AMOTL1: variants seen among roughly 807,000 people sequenced by gnomAD.
AMOTL1 encodes angiomotin like 1.
A neutral mutation model predicts 102.9 loss-of-function variants in AMOTL1; 45 were observed. The ratio of observed to expected loss-of-function variants is 0.44; its 90% CI spans 0.34 to 0.56. The LOEUF (loss-of-function observed/expected upper bound fraction) is 0.56, where lower values mean the gene tolerates loss of function less well. Among genes scored for constraint, AMOTL1 ranks in the 20% least tolerant of loss-of-function variants. AMOTL1 has a pLI of 0.01. For missense variants in AMOTL1, 1,114 were observed against 1,225.6 expected (o/e 0.91, Z 1.36); for synonymous variants, 481 against 484.7 (o/e 0.99, Z 0.10).
intron 3 of AMOTL1, among the ~76,000 whole-genome samples, chr11:94,818,708 G>A (rs1311879469): frequency 3.3e-5 from 5 of 152,110 alleles, no homozygotes; most frequent in Non-Finnish European, 4.4e-5. Flanking sequence ...AGTTTGGACT[G>A]AATTCTAAAG....
chr11:94,779,855 C>CT (rs1174692006), intron 1 of AMOTL1, among the ~76,000 whole-genome samples: 1 of 30,790 alleles, frequency 3.2e-5, no homozygotes, highest in African/African-American at 5.9e-5. Flanking sequence ...TGAGGTTGGC[C>CT]TTTTTAAAAA....
At chr11:94,729,700 C>T (rs1471990205) in intron 2 of AMOTL1, among the ~76,000 whole-genome samples, 3 of 152,118 alleles carry the variant, frequency 2.0e-5, no homozygotes, top group Admixed American at 6.5e-5. Context: ...TGGTAGGAGC[C>T]ATTCTATAGA....
chr11:94,847,756 G>T (rs1229220048), intron 6 of AMOTL1, among the ~76,000 whole-genome samples: 2 of 146,166 alleles, frequency 1.4e-5, no homozygotes, highest in Non-Finnish European at 3.0e-5. Context: ...TATATGCGGT[G>T]GGGGGGTGTT....
rs114082346 is a variant in AMOTL1, at chr11:94,799,936, C to T, written c.746C>T (p.Ala249Val). 2.3e-4 allele frequency: 376 copies of T among 1,613,054 alleles called. No homozygotes were observed. In the African/African-American group the frequency reaches 3.7e-3, roughly 16 times the overall value. The change falls in exon 3 of 13, where the codon GCG becomes GTG. Residue 249 changes from alanine to valine, a missense_variant. By Grantham distance (64) the Ala-to-Val change is moderately conservative. Transcript: ENST00000433060. The surrounding 1 kb of genome is among the most constrained non-coding windows in gnomAD (Gnocchi z 4.5). ...ANSGQAHKDE[A>V]LKELKQGHVR... ...AGTGGACAGGCGCATAAGGACGAGG[C>T]GCTGAAGGAACTGAAGCAGGGCCAC...
intron 3 of AMOTL1, among the ~76,000 whole-genome samples, chr11:94,809,388 A>G (rs894328784): frequency 6.6e-6 from 1 of 152,190 alleles, no homozygotes; most frequent in Non-Finnish European, 1.5e-5. Context: ...ACAGTGTAGG[A>G]CTAGAAGGAA....
chr11:94,717,481 C>A (rs1023031633), intron 1 of AMOTL1, among the ~76,000 whole-genome samples: 1 of 151,478 alleles, frequency 6.6e-6, no homozygotes, highest in African/African-American at 2.4e-5. Context: ...TATGGTGTTT[C>A]AACCCAGTGG....
intron 1 of AMOTL1, among the ~76,000 whole-genome samples, chr11:94,784,610 C>T (rs562880922): frequency 6.6e-6 from 1 of 152,180 alleles, no homozygotes; most frequent in African/African-American, 2.4e-5. Flanking sequence ...AGAGTTTAAT[C>T]TCCTTTACTT....
intron 6 of AMOTL1, among the ~76,000 whole-genome samples, chr11:94,832,482 T>G (rs934485675): frequency 3.3e-4 from 50 of 152,242 alleles, no homozygotes; most frequent in African/African-American, 1.1e-3. Context: ...CCAGATTGAT[T>G]AATTATTGCA....
In AMOTL1 at chr11:94,749,864, A is replaced by G. The variant is rs1248337638; in HGVS notation, c.136+8876A>G. Among the ~76,000 whole-genome samples, 6 of 152,200 alleles carry G rather than the reference A, an allele frequency of 3.9e-5. No individual in the cohort carries two copies. The South Asian group carries it at 6.2e-4, about 16-fold the overall frequency. On this transcript the variant is annotated intron_variant, in intron 3 of 4. Coordinates refer to the AMOTL1 transcript ENST00000299004. ...CTGAAAGATTTGGCATATAAGTTAA[A>G]TAATACTGTCACTTATCTCCTCTTC...
At chr11:94,843,296 G>C (rs778493180) in intron 6 of AMOTL1, among the ~76,000 whole-genome samples, 34 of 152,176 alleles carry the variant, frequency 2.2e-4, no homozygotes, top group Non-Finnish European at 4.6e-4. Flanking sequence ...CGTATGTGTT[G>C]TAACCAGTGC....
chr11:94,730,072 G>A (rs1465957520), intron 2 of AMOTL1, among the ~76,000 whole-genome samples: 1 of 152,122 alleles, frequency 6.6e-6, no homozygotes, highest in Non-Finnish European at 1.5e-5. Context: ...AAAACCAACT[G>A]TCATTTGTTC....
chr11:94,810,866 ACACG>A (rs780851563), intron 3 of AMOTL1, among the ~76,000 whole-genome samples: 11 of 137,506 alleles, frequency 8.0e-5, no homozygotes, highest in African/African-American at 1.9e-4. Flanking sequence ...ACACACACAC[ACACG>A]CGTACACACA....
Position 94,768,447 on chromosome 11 carries a change from A to G in AMOTL1, c.-65A>G, listed in dbSNP as rs1403398699. The G allele has an allele frequency of 6.4e-7, 1 of 1,550,470 alleles. No individual in the cohort carries two copies. Among genetic ancestry groups the G allele is most frequent in the South Asian group, 1.2e-5 (1 of 83,798 alleles). Reference sequence around the variant, plus strand: ...TGAATGGGGTTGATTGTCCGGCGCCACTTCCCCGCGCTGCCCGGCAGCCGT... The same window carrying G: ...TGAATGGGGTTGATTGTCCGGCGCCGCTTCCCCGCGCTGCCCGGCAGCCGT... On this transcript the variant is annotated 5_prime_UTR_variant, in exon 1 of 13. Coordinates refer to ENST00000433060, the MANE Select transcript of AMOTL1 (RefSeq NM_130847.3).
At chr11:94,751,134 A>AC (rs1950648831) in intron 3 of AMOTL1, among the ~76,000 whole-genome samples, 1 of 152,186 alleles carries the variant, frequency 6.6e-6, no homozygotes, top group South Asian at 2.1e-4. Flanking sequence ...ATGTTAAAGT[A>AC]TCCAGCACAG....
chr11:94,837,712 A>G (rs1191098975), intron 6 of AMOTL1, among the ~76,000 whole-genome samples: 2 of 152,258 alleles, frequency 1.3e-5, no homozygotes, highest in Non-Finnish European at 1.5e-5. Context: ...TGCTTAAAGA[A>G]TGGAGCTGAT....
intron 2 of AMOTL1, among the ~76,000 whole-genome samples, chr11:94,732,481 T>C (rs1331936038): frequency 6.6e-6 from 1 of 152,132 alleles, no homozygotes; most frequent in Non-Finnish European, 1.5e-5. Context: ...TCTGGGCCAC[T>C]GGGTTTTCAA....
rs1952994349 is a variant in AMOTL1 at position 94,871,435 on chromosome 11, A to T, written c.*640A>T. On this transcript the variant is annotated 3_prime_UTR_variant, in exon 13 of 13. Coordinates refer to ENST00000433060, the MANE Select transcript of AMOTL1 (RefSeq NM_130847.3). ...TATTTTCTAAACAGGATAGATTATGATCTCGGTCCCCATCCATCCTAACTT... is the reference window on the plus strand; with the variant it reads ...TATTTTCTAAACAGGATAGATTATGTTCTCGGTCCCCATCCATCCTAACTT... 1.3e-5 allele frequency: 2 copies of T among 152,154 alleles called. No individual in the cohort carries two copies. The highest frequency in any genetic ancestry group is 2.9e-5 in the Non-Finnish European group (2 of 68,036). 9.4% of individuals were successfully genotyped at this position (152,154 alleles called of 1,614,324 possible). A position where few individuals can be genotyped will look rare whatever the true frequency, so the allele number is the denominator to read the frequency against.
intron 1 of AMOTL1, among the ~76,000 whole-genome samples, chr11:94,779,265 T>TTGG (rs1320587598): frequency 2.0e-5 from 3 of 152,206 alleles, no homozygotes; most frequent in Non-Finnish European, 4.4e-5. Flanking sequence ...GCAAATATTT[T>TTGG]TGGTGGTGGT....
chr11:94,735,460 A>T (rs928026644), intron 2 of AMOTL1, among the ~76,000 whole-genome samples: 1 of 152,206 alleles, frequency 6.6e-6, no homozygotes, highest in Non-Finnish European at 1.5e-5. Flanking sequence ...CTGAAGCGTT[A>T]TGTGTTACCC....
Sources: gnomAD v4.1 joint callset for allele counts (sites outside exome capture counted in the v4.1 genomes callset) on GRCh38, gnomAD v4.1.1 for gene constraint, Gnocchi (gnomAD v3.1) non-coding constraint, MANE v1.5 for transcripts, NCBI Gene and HGNC (gene_info 2026-07-23, HGNC 2026-07-21) for gene names.